The following PSD3 variants were observed in gnomAD, a reference collection of about 807,000 sequenced individuals.
PSD3 encodes the protein PH and SEC7 domain-containing protein 3.
In PSD3, 49 loss-of-function variants were observed where a neutral mutation model predicts 105.5. The observed-to-expected ratio is 0.46, with a 90% confidence interval of 0.37 to 0.59. PSD3 has a LOEUF of 0.59. PSD3 is among the 20% of genes least tolerant of loss of function. PSD3 has a pLI of 0.00. For missense variants in PSD3, 1,561 were observed against 1,263.8 expected, an observed-to-expected ratio of 1.24 and a Z score of -3.57; for synonymous variants, 557 against 457.8, an observed-to-expected ratio of 1.22 and a Z score of -2.77.
At chr8:18,713,677 A>T (rs1366755560) in intron 9 of PSD3, among the ~76,000 whole-genome samples, 1 of 152,246 alleles carries the variant, frequency 6.6e-6, no homozygotes, top group Non-Finnish European at 1.5e-5. Flanking sequence ...GATAGTAAGG[A>T]TCAGTATCAT....
chr8:18,610,374 T>C (rs1805168063), intron 11 of PSD3, among the ~76,000 whole-genome samples: 1 of 152,194 alleles, frequency 6.6e-6, no homozygotes, highest in Non-Finnish European at 1.5e-5. Flanking sequence ...CTGCTGAGTG[T>C]TCGAACTGTA....
intron 9 of PSD3, chr8:18,733,936 A>C (rs1803958515): frequency 6.6e-6 from 1 of 152,290 alleles, no homozygotes; most frequent in Admixed American, 6.5e-5. Flanking sequence ...AGAAGGCCAA[A>C]ACCACAGATG....
At chr8:18,546,440 A>G (rs1055703931) in intron 15 of PSD3, among the ~76,000 whole-genome samples, 7 of 152,350 alleles carry the variant, frequency 4.6e-5, no homozygotes, top group African/African-American at 1.2e-4. Flanking sequence ...TCAGTGAGCC[A>G]TAAGTTATGT....
intron 9 of PSD3, among the ~76,000 whole-genome samples, chr8:18,695,173 G>C (rs1236856176): frequency 6.6e-6 from 1 of 152,120 alleles, no homozygotes; most frequent in Non-Finnish European, 1.5e-5. Context: ...CAACGACAAA[G>C]GCCTGATGAG....
Position 18,804,782 on chromosome 8 carries a change from G to A in PSD3, c.1751C>T (p.Ala584Val). The change falls in exon 5 of 16, where the codon GCA becomes GTA. Residue 584 changes from alanine (A) to valine (V), a missense_variant. Physicochemically the swap from Ala to Val is moderately conservative, Grantham distance 64. Transcript: ENST00000327040. ...AAGGCGTTTGGCCAACCTTTTGGCT[G>A]CTTCCACATTGCTGCTGGTACCATT... ...LSNGTSSNVE[A>V]AKRLAKRLYQ... 2 of 1,614,138 alleles carry A rather than the reference G, an allele frequency of 1.2e-6. No individual in the cohort carries two copies. The highest frequency in any genetic ancestry group is 1.1e-5 in the South Asian group (1 of 91,084).
intron 13 of PSD3, among the ~76,000 whole-genome samples, chr8:18,574,853 C>G (rs185907758): frequency 1.3e-5 from 2 of 152,230 alleles, no homozygotes; most frequent in African/African-American, 2.4e-5. Flanking sequence ...TACTAAAACC[C>G]TCATATTTTA....
intron 6 of PSD3, among the ~76,000 whole-genome samples, chr8:18,802,969 G>C (rs1439072478): frequency 6.6e-6 from 1 of 152,152 alleles, no homozygotes; most frequent in East Asian, 1.9e-4. Context: ...CCACTGAAGA[G>C]TTAATTCCAA....
chr8:18,970,672 G>C (rs1824592594), intron 1 of PSD3, among the ~76,000 whole-genome samples: 1 of 151,992 alleles, frequency 6.6e-6, no homozygotes, highest in Non-Finnish European at 1.5e-5. Flanking sequence ...AAAGATGAGA[G>C]GTCTGGATGC....
chr8:18,822,367 A>G (rs1226838041), intron 4 of PSD3, among the ~76,000 whole-genome samples: 1 of 152,114 alleles, frequency 6.6e-6, no homozygotes, highest in Non-Finnish European at 1.5e-5. Flanking sequence ...AGCAGAACCA[A>G]CCTGTGTTGT....
intron 2 of PSD3, among the ~76,000 whole-genome samples, chr8:18,895,691 C>G (rs1819101619): frequency 6.6e-6 from 1 of 152,152 alleles, no homozygotes; most frequent in Non-Finnish European, 1.5e-5. Context: ...ATAGTAACTG[C>G]ACATATTTAT....
chr8:18,696,638 G>A (rs1409889571), intron 9 of PSD3, among the ~76,000 whole-genome samples: 1 of 152,134 alleles, frequency 6.6e-6, no homozygotes, highest in Non-Finnish European at 1.5e-5. Flanking sequence ...ATTATAATAA[G>A]TATCACAGTC....
intron 9 of PSD3, among the ~76,000 whole-genome samples, chr8:18,696,275 CA>C (rs1801256095): frequency 6.6e-6 from 1 of 152,320 alleles, no homozygotes; most frequent in South Asian, 2.1e-4. Context: ...GTCTGTTCCC[CA>C]GGGAATTTCA....
intron 12 of PSD3, among the ~76,000 whole-genome samples, chr8:18,591,146 A>C (rs1245628771): frequency 6.6e-6 from 1 of 152,146 alleles, no homozygotes; most frequent in Non-Finnish European, 1.5e-5. Flanking sequence ...AAAGCCAAGA[A>C]ACCCACGCTG....
intron 2 of PSD3, among the ~76,000 whole-genome samples, chr8:18,884,493 G>C (rs1818323271): frequency 6.6e-6 from 1 of 152,110 alleles, no homozygotes; most frequent in African/African-American, 2.4e-5. Context: ...TATATTTTAA[G>C]ACACTCTCTT....
chr8:18,918,872 G>C (rs187412705), intron 2 of PSD3, among the ~76,000 whole-genome samples: 1 of 152,004 alleles, frequency 6.6e-6, no homozygotes, highest in Non-Finnish European at 1.5e-5. Flanking sequence ...CCATTCAGTC[G>C]TCATTCATAA....
At chr8:18,617,826 TATAGCATCACATGATGG>T (rs1805807466) in intron 11 of PSD3, among the ~76,000 whole-genome samples, 2 of 152,140 alleles carry the variant, frequency 1.3e-5, no homozygotes, top group African/African-American at 4.8e-5. Flanking sequence ...CTGACTCTAA[TATAGCATCACATGATGG>T]ATAGCAGGTC....
intron 9 of PSD3, among the ~76,000 whole-genome samples, chr8:18,702,450 G>C (rs1801637468): frequency 1.3e-5 from 2 of 152,102 alleles, no homozygotes; most frequent in African/African-American, 2.4e-5. Context: ...GTGAATCATA[G>C]TTGTACGTAC....
At chr8:18,780,240 T>G (rs1234756418) in intron 8 of PSD3, among the ~76,000 whole-genome samples, 2 of 152,210 alleles carry the variant, frequency 1.3e-5, no homozygotes, top group African/African-American at 4.8e-5. Context: ...TACTCATGCT[T>G]GCTTTTGGTT....
intron 8 of PSD3, among the ~76,000 whole-genome samples, chr8:18,795,999 G>C (rs1317308842): frequency 2.0e-5 from 3 of 152,150 alleles, no homozygotes; most frequent in African/African-American, 4.8e-5. Flanking sequence ...AGATAAAGAG[G>C]CATTTCAAAA....
Sources: gnomAD v4.1 joint callset for allele counts (sites outside exome capture counted in the v4.1 genomes callset) on GRCh38, gnomAD v4.1.1 for gene constraint, MANE v1.5 for transcripts, NCBI Gene and HGNC (gene_info 2026-07-23, HGNC 2026-07-21) for gene names.